Variants in TRPV4 observed in about 807,000 individuals in gnomAD.
TRPV4 encodes the protein OSM9-like transient receptor potential channel 4.
A neutral mutation model predicts 84.1 loss-of-function variants in TRPV4; 58 were observed. The ratio of observed to expected loss-of-function variants is 0.69; its 90% CI spans 0.56 to 0.86. The LOEUF (loss-of-function observed/expected upper bound fraction) is 0.86, where lower values mean the gene tolerates loss of function less well. Ranked by LOEUF, TRPV4 falls within the 40% of genes least tolerant of loss-of-function variation. The pLI, the probability that TRPV4 is intolerant of heterozygous loss-of-function variation, is 0.00. For synonymous variants in TRPV4, 489 were observed against 500.9 expected (o/e 0.98, Z 0.32); for missense variants, 879 against 1,181.1 (o/e 0.74, Z 3.75).
Position 109,783,400 on chromosome 12 carries a change from A to T in TRPV4, c.*221T>A, listed in dbSNP as rs1889456643. The T allele has an allele frequency of 1.8e-6, 1 of 558,332 alleles. No homozygotes were observed. Among genetic ancestry groups the T allele is most frequent in the South Asian group, 2.7e-5 (1 of 37,236 alleles). 34.6% of individuals were successfully genotyped at this position (558,332 alleles called of 1,614,324 possible). A position where few individuals can be genotyped will look rare whatever the true frequency, so the allele number is the denominator to read the frequency against. The stretch of plus-strand genomic sequence containing the variant: ...GGTGGAGGGGCTCTGGCGTTGGCTT[A>T]TGTGACTCCATAGGAGCAAGACAGG... On this transcript the variant is annotated 3_prime_UTR_variant, in exon 16 of 16. Coordinates refer to ENST00000261740, the MANE Select transcript of TRPV4 (RefSeq NM_021625.5). The surrounding 1 kb of genome is among the most constrained non-coding windows in gnomAD (Gnocchi z 4.6).
At chr12:109,806,451 C>T (rs1329756579) in intron 3 of TRPV4, among the ~76,000 whole-genome samples, 3 of 151,260 alleles carry the variant, frequency 2.0e-5, no homozygotes, top group African/African-American at 2.4e-5. Context: ...GTGATCCACC[C>T]GCCTCAGCCT....
chr12:109,785,544 G>A (rs989115816), intron 14 of TRPV4, among the ~76,000 whole-genome samples: 3 of 151,456 alleles, frequency 2.0e-5, no homozygotes, highest in East Asian at 2.0e-4. Flanking sequence ...TCAGCCTCCC[G>A]AGTAGCTGGG....
Position 109,788,481 on chromosome 12 carries a change from C to A in TRPV4, c.2127G>T (p.Leu709=), listed in dbSNP as rs777154442. ...LVTYIILTFV[L]LLNMLIALMG... ...TGAGGGCAATGAGCATGTTGAGGAG[C>A]AGCACAAAGGTGAGGATGATGTAGG... Residue 709 remains leucine (L), a synonymous_variant, in exon 13 of 16, where the codon CTG becomes CTT. Coordinates refer to ENST00000261740, the MANE Select transcript of TRPV4 (RefSeq NM_021625.5). 1 of 1,614,208 alleles carries A rather than the reference C, an allele frequency of 6.2e-7. No individual in the cohort carries two copies. The highest frequency in any genetic ancestry group is 8.5e-7 in the Non-Finnish European group (1 of 1,180,038).
intron 13 of TRPV4, among the ~76,000 whole-genome samples, chr12:109,787,762 T>C (rs1253291375): frequency 6.6e-6 from 1 of 152,176 alleles, no homozygotes; most frequent in Non-Finnish European, 1.5e-5. Flanking sequence ...ACAGTCAAGG[T>C]AAACACGGGT....
chr12:109,789,080 C>T (rs1889880561), intron 12 of TRPV4, among the ~76,000 whole-genome samples: 1 of 152,164 alleles, frequency 6.6e-6, no homozygotes, highest in South Asian at 2.1e-4. Flanking sequence ...TGTTTCCAAC[C>T]TGGGACAGTT....
intron 3 of TRPV4, among the ~76,000 whole-genome samples, chr12:109,804,572 G>A (rs10850781): frequency 0.25 from 37,993 of 152,052 alleles, 5,739 homozygotes; most frequent in East Asian, 0.68. Context: ...TCCATGAGAC[G>A]GGATTTAGGA....
intron 14 of TRPV4, among the ~76,000 whole-genome samples, chr12:109,785,574 A>T (rs1889636240): frequency 2.0e-5 from 3 of 151,600 alleles, no homozygotes; most frequent in African/African-American, 7.3e-5. Context: ...GCATGCCACC[A>T]CTCCCGACTA....
intron 1 of TRPV4, among the ~76,000 whole-genome samples, chr12:109,817,378 G>A (rs1891902926): frequency 1.3e-5 from 2 of 152,088 alleles, no homozygotes; most frequent in Non-Finnish European, 2.9e-5. Context: ...GCACCTCAGG[G>A]GCTAATGGAA....
In TRPV4 at chr12:109,814,971, C is replaced by T; in HGVS notation, c.-31-144G>A. 1.3e-6 allele frequency: 1 copy of T among 779,638 alleles called. No individual in the cohort carries two copies. Among genetic ancestry groups the T allele is most frequent in the Admixed American group, 2.9e-5 (1 of 34,694 alleles). 48.3% of individuals were successfully genotyped at this position (779,638 alleles called of 1,614,324 possible). On this transcript the variant is annotated intron_variant, in intron 1 of 15. Coordinates refer to ENST00000261740, the MANE Select transcript of TRPV4 (RefSeq NM_021625.5). The surrounding 1 kb of genome is among the most constrained non-coding windows in gnomAD (Gnocchi z 5.4). The stretch of plus-strand genomic sequence containing the variant: ...TGACAGGGGCACAGGGAGGCCACTC[C>T]CAGATGTGGTTGGCCGCCAGCCTCA...
At chr12:109,831,089 G>A (rs1892396442) in intron 1 of TRPV4, among the ~76,000 whole-genome samples, 1 of 152,130 alleles carries the variant, frequency 6.6e-6, no homozygotes, top group African/African-American at 2.4e-5. Context: ...GGGCCTCTGG[G>A]TCTGATTTAG....
intron 3 of TRPV4, among the ~76,000 whole-genome samples, chr12:109,805,638 T>C (rs976945466): frequency 1.5e-4 from 23 of 152,176 alleles, no homozygotes; most frequent in African/African-American, 5.1e-4. Flanking sequence ...CAGGGACGGA[T>C]CCAGGTTTTG....
intron 1 of TRPV4, among the ~76,000 whole-genome samples, chr12:109,818,406 G>A (rs1891953337): frequency 6.6e-6 from 1 of 151,352 alleles, no homozygotes; most frequent in African/African-American, 2.4e-5. Context: ...CTGGAGGTAG[G>A]TATTGCAATC....
chr12:109,794,167 G>T, intron 8 of TRPV4, 145 bp from the exon 9 acceptor site: 1 of 1,164,888 alleles, frequency 8.6e-7, no homozygotes, highest in Non-Finnish European at 1.2e-6. Flanking sequence ...CCTCCTCCCA[G>T]CTCAGGGCCA....
At chr12:109,810,795 T>C (rs548485476) in intron 2 of TRPV4, among the ~76,000 whole-genome samples, 1 of 152,162 alleles carries the variant, frequency 6.6e-6, no homozygotes, top group East Asian at 1.9e-4. Context: ...GTGCCCCACT[T>C]ACTCCACCAG....
Position 109,796,451 on chromosome 12 carries a change from A to T in TRPV4, c.1332+74T>A. The T allele has an allele frequency of 6.4e-7, 1 of 1,565,814 alleles. No individual in the cohort carries two copies. Among genetic ancestry groups the T allele is most frequent in the Non-Finnish European group, 8.7e-7 (1 of 1,148,222 alleles). ...AGGCTGGGGCTGTCTCCCCCAGCCC[A>T]GCCCCAGGGCCCTGTCCCTACTCCC... On this transcript the variant is annotated intron_variant, in intron 7 of 15. Coordinates refer to ENST00000261740, the MANE Select transcript of TRPV4 (RefSeq NM_021625.5). This position sits in a 1 kb window ranked among gnomAD's most constrained non-coding sequence, Gnocchi z 4.2.
intron 4 of TRPV4, among the ~76,000 whole-genome samples, chr12:109,801,402 G>A (rs1333125844): frequency 6.6e-6 from 1 of 152,218 alleles, no homozygotes; most frequent in Non-Finnish European, 1.5e-5. Context: ...TTTCATGATA[G>A]TGAGTGAGTC....
At chr12:109,808,266 C>A in intron 3 of TRPV4, 30 bp downstream of exon 3, 1 of 1,613,234 alleles carries the variant, frequency 6.2e-7, no homozygotes, top group East Asian at 2.2e-5. Context: ...CCTGGCTGTC[C>A]CACTGGCTAT....
In TRPV4 at chr12:109,814,594, C is replaced by A. The variant is rs747215384; in HGVS notation, c.203G>T (p.Arg68Leu). 3 of 1,613,952 alleles carry A rather than the reference C, an allele frequency of 1.9e-6. No individual in the cohort carries two copies. Among genetic ancestry groups the A allele is most frequent in the Non-Finnish European group, 2.5e-6 (3 of 1,180,004 alleles). The change falls in exon 2 of 16, where the codon CGC (arginine) becomes CTC (leucine). Residue 68 changes from arginine to leucine, a missense_variant. Physicochemically the swap from Arg to Leu is moderately radical, Grantham distance 102. Transcript: ENST00000261740. This position sits in a 1 kb window ranked among gnomAD's most constrained non-coding sequence, Gnocchi z 5.4. ...GCGGAAGGCGCCCTGGAACTTCATG[C>A]GCAGATTTGGTCGCCCATCGCCTGG... ...AGPGDGRPNLRMKFQGAFRKG... is the reference protein window; with the variant it reads ...AGPGDGRPNLLMKFQGAFRKG...
At chr12:109,805,236 C>A (rs1203114965) in intron 3 of TRPV4, among the ~76,000 whole-genome samples, 1 of 152,206 alleles carries the variant, frequency 6.6e-6, no homozygotes, top group Non-Finnish European at 1.5e-5. Flanking sequence ...GGTAGGTGCC[C>A]AACAACCATT....
Sources: allele counts gnomAD v4.1 joint callset (sites outside exome capture counted in the v4.1 genomes callset), GRCh38; gene constraint gnomAD v4.1.1; non-coding constraint Gnocchi (gnomAD v3.1); transcripts MANE v1.5; gene names NCBI Gene and HGNC (gene_info 2026-07-23, HGNC 2026-07-21).